EPHB2: variants seen among roughly 807,000 people sequenced by gnomAD.
EPHB2 encodes EPH receptor B2.
Under a neutral mutation model 96.4 loss-of-function variants are expected in EPHB2, and 18 were observed. The observed-to-expected ratio is 0.19, with a 90% confidence interval of 0.13 to 0.28. The LOEUF (loss-of-function observed/expected upper bound fraction) is 0.28. Ranked by LOEUF, EPHB2 falls within the 10% of genes least tolerant of loss-of-function variation. EPHB2 has a pLI of 1.00. For missense variants in EPHB2, 989 were observed against 1,355.4 expected (o/e 0.73, Z 4.25); for synonymous variants, 506 against 534.1 (o/e 0.95, Z 0.72).
At chr1:22,818,015 AG>A (rs1170535971) in intron 3 of EPHB2, among the ~76,000 whole-genome samples, 2 of 152,150 alleles carry the variant, frequency 1.3e-5, no homozygotes, top group African/African-American at 4.8e-5. Flanking sequence ...CCCGAGTGAT[AG>A]GAAATGTCTG....
At chr1:22,882,224 G>A in intron 5 of EPHB2, 135 bp from the exon 6 acceptor site, 2 of 1,491,154 alleles carry the variant, frequency 1.3e-6, no homozygotes, top group Non-Finnish European at 1.8e-6. Context: ...CCCGAGACTG[G>A]CTCTGTGGCC....
rs563635444 is a variant in EPHB2, at chr1:22,851,289, T to C, written c.812-11748T>C. Among the ~76,000 whole-genome samples the C allele has an allele frequency of 2.0e-5, 3 of 152,342 alleles. No individual in the cohort carries two copies. In the South Asian group the frequency reaches 6.2e-4, roughly 32 times the overall value. On this transcript the variant is annotated intron_variant, in intron 3 of 15. Transcript: ENST00000374630. ...CTGGGATTACAGGTGTGAGCCACCG[T>C]GCCCAGGCTATTGGTTTTTACTCCA...
rs927743535 is a variant in EPHB2, at chr1:22,858,749, A to G, written c.812-4288A>G. Among the ~76,000 whole-genome samples the G allele has an allele frequency of 1.1e-4, 17 of 152,168 alleles. No individual in the cohort carries two copies. Among genetic ancestry groups the G allele is most frequent in the African/African-American group, 3.9e-4 (16 of 41,428 alleles). On this transcript the variant is annotated intron_variant, in intron 3 of 15. Coordinates refer to ENST00000374630, the MANE Select transcript of EPHB2 (RefSeq NM_017449.5). The surrounding 1 kb of genome is among the most constrained non-coding windows in gnomAD (Gnocchi z 7.7). ...TGAGGCCCCAGTGCACCCCACAGTC[A>G]CACAGTAGACTTGGGATCAGAATTG... is the stretch of plus-strand genomic sequence containing the variant.
intron 9 of EPHB2, among the ~76,000 whole-genome samples, chr1:22,900,784 T>C (rs1037870697): frequency 2.0e-5 from 3 of 152,182 alleles, no homozygotes; most frequent in Admixed American, 2.0e-4. Context: ...AGCAGAACTT[T>C]GTTCTGTTCA....
intron 1 of EPHB2, among the ~76,000 whole-genome samples, chr1:22,773,421 C>A (rs906183744): frequency 1.3e-5 from 2 of 152,188 alleles, no homozygotes; most frequent in African/African-American, 4.8e-5. Context: ...CAGGGTGCAA[C>A]AGGAACCGCT....
intron 3 of EPHB2, among the ~76,000 whole-genome samples, chr1:22,809,106 C>T (rs1362163087): frequency 2.6e-5 from 4 of 152,238 alleles, no homozygotes; most frequent in African/African-American, 9.6e-5. Flanking sequence ...AGCTTCCCGG[C>T]GGTGCCTCTG....
At chr1:22,776,920 A>G (rs1644461471) in intron 1 of EPHB2, among the ~76,000 whole-genome samples, 1 of 152,230 alleles carries the variant, frequency 6.6e-6, no homozygotes, top group African/African-American at 2.4e-5. Context: ...TAGGGATCCC[A>G]GGACCAGGAC....
rs754994261 is a variant in EPHB2, at chr1:22,906,755, A to G, written c.1934A>G (p.Lys645Arg). Residue 645 changes from lysine (K) to arginine (R), a missense_variant, in exon 11 of 16, where the codon AAG becomes AGG. Coordinates refer to ENST00000374630, the MANE Select transcript of EPHB2 (RefSeq NM_017449.5). This position sits in a 1 kb window ranked among gnomAD's most constrained non-coding sequence, Gnocchi z 4.8. ...VCSGHLKLPG[K>R]REIFVAIKTL... is the part of the protein sequence containing the mutation. ...AGTGGCCACCTGAAGCTGCCAGGCA[A>G]GAGAGAGATCTTTGTGGCCATCAAG... The G allele has an allele frequency of 6.2e-7, 1 of 1,614,198 alleles. No individual in the cohort carries two copies. Among genetic ancestry groups the G allele is most frequent in the Non-Finnish European group, 8.5e-7 (1 of 1,180,040 alleles).
intron 6 of EPHB2, among the ~76,000 whole-genome samples, chr1:22,885,780 G>A (rs1272545055): frequency 2.6e-4 from 39 of 152,162 alleles, no homozygotes; most frequent in Admixed American, 6.5e-5. Flanking sequence ...TGGTGAGGGG[G>A]GTCAGGTGGT....
chr1:22,919,964 A>G lies in EPHB2; in HGVS notation c.*6394A>G, dbSNP rs1198658192. The G allele has an allele frequency of 6.6e-6, 1 of 151,960 alleles. No individual in the cohort carries two copies. Among genetic ancestry groups the G allele is most frequent in the African/African-American group, 2.4e-5 (1 of 41,364 alleles). 9.4% of individuals were successfully genotyped at this position (151,960 alleles called of 1,614,324 possible). A position where few individuals can be genotyped will look rare whatever the true frequency, so the allele number is the denominator to read the frequency against. On this transcript the variant is annotated 3_prime_UTR_variant, in exon 16 of 16. Transcript: ENST00000374630. ...GTTCCCCAGACCTGTGGGCCCTAGC[A>G]TTTTTTTAAAAGCACAAAAAAAAAA...
At chr1:22,721,994 C>G (rs1433608688) in intron 1 of EPHB2, among the ~76,000 whole-genome samples, 2 of 152,134 alleles carry the variant, frequency 1.3e-5, no homozygotes, top group Non-Finnish European at 2.9e-5. Context: ...GTTGCCTAAG[C>G]TGGAGTGCGG....
intron 5 of EPHB2, among the ~76,000 whole-genome samples, chr1:22,880,812 T>C (rs1345791744): frequency 6.6e-6 from 1 of 152,242 alleles, no homozygotes; most frequent in African/African-American, 2.4e-5. Flanking sequence ...AGGTGATGCT[T>C]TCTGGAGGTT....
At chr1:22,752,545 A>G (rs115438024) in intron 1 of EPHB2, among the ~76,000 whole-genome samples, 8,364 of 150,288 alleles carry the variant, frequency 0.056, 763 homozygotes, top group African/African-American at 0.19. Context: ...AAAATAAAAT[A>G]AAATAATAAA....
intron 1 of EPHB2, among the ~76,000 whole-genome samples, chr1:22,756,659 T>G (rs1644156443): frequency 6.6e-6 from 1 of 152,074 alleles, no homozygotes; most frequent in South Asian, 2.1e-4. Context: ...CCCATGGACC[T>G]GCGCTGACCC....
At chr1:22,838,472 C>T (rs1025793334) in intron 3 of EPHB2, among the ~76,000 whole-genome samples, 6 of 152,206 alleles carry the variant, frequency 3.9e-5, no homozygotes, top group African/African-American at 1.2e-4. Context: ...GCTCCGCTTA[C>T]GTTAAAATGG....
chr1:22,815,837 C>A (rs142140134), intron 3 of EPHB2, among the ~76,000 whole-genome samples: 164 of 152,194 alleles, frequency 1.1e-3, no homozygotes, highest in African/African-American at 3.8e-3. Context: ...GAGCCCGGGG[C>A]GGTGCTGGAA....
chr1:22,809,038 A>G (rs373988699), intron 3 of EPHB2, among the ~76,000 whole-genome samples: 63 of 152,350 alleles, frequency 4.1e-4, no homozygotes, highest in Non-Finnish European at 7.6e-4. Flanking sequence ...GGGCCGGGCC[A>G]GGCCTGGGAT....
chr1:22,848,285 C>A (rs948293010), intron 3 of EPHB2, among the ~76,000 whole-genome samples: 1 of 152,096 alleles, frequency 6.6e-6, no homozygotes. Flanking sequence ...GCTGTGTGCC[C>A]GTGACTGCTG....
At chr1:22,786,274 T>C (rs1347089642) in intron 3 of EPHB2, among the ~76,000 whole-genome samples, 2 of 152,200 alleles carry the variant, frequency 1.3e-5, no homozygotes, top group African/African-American at 4.8e-5. Flanking sequence ...AAGTGCTTAA[T>C]AGATGTTAAC....
Sources: gnomAD v4.1 joint callset for allele counts (sites outside exome capture counted in the v4.1 genomes callset) on GRCh38, gnomAD v4.1.1 for gene constraint, Gnocchi (gnomAD v3.1) non-coding constraint, MANE v1.5 for transcripts, NCBI Gene and HGNC (gene_info 2026-07-23, HGNC 2026-07-21) for gene names.